Variants in DPP10 observed in about 807,000 individuals in gnomAD.
DPP10 encodes inactive dipeptidyl peptidase 10.
DPP10 carries 33 observed loss-of-function variants against 120.9 expected under a neutral mutation model. The observed-to-expected ratio is 0.27, with a 90% CI of 0.21 to 0.37. DPP10 has a LOEUF of 0.37. DPP10 is among the 10% of genes least tolerant of loss of function. The pLI is 1.00. For synonymous variants in DPP10, 337 were observed against 326.1 expected (o/e 1.03, Z -0.36); for missense variants, 816 against 942.8 (o/e 0.87, Z 1.76).
At chr2:115,121,028 G>T (rs921326458) in intron 1 of DPP10, among the ~76,000 whole-genome samples, 1 of 152,328 alleles carries the variant, frequency 6.6e-6, no homozygotes, top group Non-Finnish European at 1.5e-5. Flanking sequence ...TGCTCAGTTA[G>T]ATTTCTTACT....
At chr2:114,859,686 G>C (rs1319986445) in intron 1 of DPP10, among the ~76,000 whole-genome samples, 1 of 152,116 alleles carries the variant, frequency 6.6e-6, no homozygotes, top group African/African-American at 2.4e-5. Flanking sequence ...GCTCTCTTTG[G>C]ATCTCCTGCT....
At chr2:115,117,603 G>A (rs1000507695) in intron 1 of DPP10, among the ~76,000 whole-genome samples, 3 of 152,160 alleles carry the variant, frequency 2.0e-5, no homozygotes, top group African/African-American at 7.2e-5. Flanking sequence ...GTGAGAGCCT[G>A]TCTCTAAAAA....
intron 5 of DPP10, among the ~76,000 whole-genome samples, chr2:115,547,353 T>G (rs141636878): frequency 1.3e-5 from 2 of 152,326 alleles, no homozygotes; most frequent in African/African-American, 4.8e-5. Flanking sequence ...AGTCACTTTG[T>G]AAATGAGAGT....
chr2:115,518,161 C>G (rs573267928), intron 4 of DPP10, among the ~76,000 whole-genome samples: 5 of 152,228 alleles, frequency 3.3e-5, no homozygotes, highest in African/African-American at 1.2e-4. Context: ...TGTCCCATGA[C>G]CTAAACACCT....
intron 3 of DPP10, among the ~76,000 whole-genome samples, chr2:115,385,304 G>A (rs938184150): frequency 3.3e-5 from 5 of 151,836 alleles, no homozygotes; most frequent in African/African-American, 7.3e-5. Flanking sequence ...TTCTTCAGTC[G>A]ATCACCGTTA....
chr2:114,586,228 G>A (rs1023655576), intron 1 of DPP10, among the ~76,000 whole-genome samples: 3 of 152,136 alleles, frequency 2.0e-5, no homozygotes, highest in African/African-American at 7.2e-5. Flanking sequence ...TCCAGCCTGG[G>A]TAACAGAGAA....
chr2:114,987,804 C>CTTTTTTTTTTTTCT (rs59203543), intron 1 of DPP10, among the ~76,000 whole-genome samples: 3 of 101,034 alleles, frequency 3.0e-5, no homozygotes, highest in Admixed American at 1.4e-4. Context: ...TGGAGACTGT[C>CTTTTTTTTTTTTCT]TTTTTTTTTT....
At position 114,632,886 on chromosome 2, in the gene DPP10, A is replaced by G. The variant is rs554338337; in HGVS notation, c.60+190048A>G. Among the ~76,000 whole-genome samples, 7 of 152,190 alleles carry G rather than the reference A, an allele frequency of 4.6e-5. No individual in the cohort carries two copies. The South Asian group carries it at 1.5e-3, about 32-fold the overall frequency. ...TACTTTTGCTGCTAAAATTATCCCA[A>G]ATTTGACAAGGAATGTTCCTTCAGG... On this transcript the variant is annotated intron_variant, in intron 1 of 25. Transcript: ENST00000410059.
intron 1 of DPP10, among the ~76,000 whole-genome samples, chr2:114,605,030 A>G (rs1336319940): frequency 6.6e-6 from 1 of 152,144 alleles, no homozygotes; most frequent in Non-Finnish European, 1.5e-5. Flanking sequence ...AAGTAATTTC[A>G]TGGAAAGAAT....
At chr2:115,689,992 T>C in intron 7 of DPP10, 71 bp downstream of exon 7, 1 of 1,478,166 alleles carries the variant, frequency 6.8e-7, no homozygotes, top group South Asian at 1.2e-5. Context: ...ACTGAAACTT[T>C]GGAAAAACCA....
chr2:115,251,491 T>TC lies in DPP10; in HGVS notation c.61-57744dup, dbSNP rs368319015. 1.8e-3 allele frequency among the ~76,000 whole-genome samples: 279 copies of TC among 152,174 alleles called. 3 individuals carry two copies. Among genetic ancestry groups the TC allele is most frequent in the African/African-American group, 6.1e-3 (255 of 41,514 alleles). On this transcript the variant is annotated intron_variant, in intron 1 of 25. Coordinates refer to ENST00000410059, the MANE Select transcript of DPP10 (RefSeq NM_020868.6). Reference sequence around the variant, plus strand: ...AGAAAGCTTTTACTGCGACAAAAAATCCCCAGGATCTTAGCTCTAAGTCTC... The same window carrying TC: ...AGAAAGCTTTTACTGCGACAAAAAATCCCCCAGGATCTTAGCTCTAAGTCTC...
chr2:114,525,659 T>C (rs572704070), intron 1 of DPP10, among the ~76,000 whole-genome samples: 123 of 152,324 alleles, frequency 8.1e-4, no homozygotes, highest in Non-Finnish European at 1.4e-3. Context: ...TATCACTTAC[T>C]GTGATTTTCG....
At chr2:114,807,863 C>T (rs1317845641) in intron 1 of DPP10, among the ~76,000 whole-genome samples, 1 of 152,178 alleles carries the variant, frequency 6.6e-6, no homozygotes, top group Non-Finnish European at 1.5e-5. Flanking sequence ...TGAAGAGGCT[C>T]AGATGTCTGG....
At chr2:115,301,090 A>G (rs916144148) in intron 1 of DPP10, among the ~76,000 whole-genome samples, 2 of 151,844 alleles carry the variant, frequency 1.3e-5, no homozygotes, top group African/African-American at 4.8e-5. Context: ...TTCCCCATAG[A>G]CGGGGCTGCT....
chr2:115,121,746 C>G (rs1220027188), intron 1 of DPP10, among the ~76,000 whole-genome samples: 1 of 152,134 alleles, frequency 6.6e-6, no homozygotes, highest in Non-Finnish European at 1.5e-5. Context: ...AGTTAAGACT[C>G]CCTCCTGTTT....
In DPP10 at chr2:114,904,798, G is replaced by A. The variant is rs113918689; in HGVS notation, c.61-404441G>A. 4.5e-3 allele frequency among the ~76,000 whole-genome samples: 684 copies of A among 152,302 alleles called. 8 individuals carry two copies. Among genetic ancestry groups the A allele is most frequent in the African/African-American group, 0.016 (651 of 41,572 alleles). ...ATGTATTCTATCCTTTAAAAAGAGAGAGAAATGGCCCCAAGATAATTTAGA... is the reference window on the plus strand; with the variant it reads ...ATGTATTCTATCCTTTAAAAAGAGAAAGAAATGGCCCCAAGATAATTTAGA... On this transcript the variant is annotated intron_variant, in intron 1 of 25. Coordinates refer to ENST00000410059, the MANE Select transcript of DPP10 (RefSeq NM_020868.6).
At chr2:114,725,939 A>C (rs1340810584) in intron 1 of DPP10, among the ~76,000 whole-genome samples, 1 of 152,140 alleles carries the variant, frequency 6.6e-6, no homozygotes, top group Non-Finnish European at 1.5e-5. Flanking sequence ...TTTCAGCAAA[A>C]GTTCTTCTAT....
chr2:115,616,438 T>C (rs1003561428), intron 5 of DPP10, among the ~76,000 whole-genome samples: 1 of 151,754 alleles, frequency 6.6e-6, no homozygotes, highest in Non-Finnish European at 1.5e-5. Flanking sequence ...ATCCCTACTC[T>C]AATCTAAGTC....
intron 1 of DPP10, among the ~76,000 whole-genome samples, chr2:115,079,047 C>T (rs958803221): frequency 3.9e-5 from 6 of 152,124 alleles, no homozygotes; most frequent in Admixed American, 6.5e-5. Flanking sequence ...CTTGAGTCCA[C>T]GCTTGAGTGC....
Sources: gnomAD v4.1 joint callset for allele counts (sites outside exome capture counted in the v4.1 genomes callset) on GRCh38, gnomAD v4.1.1 for gene constraint, MANE v1.5 for transcripts, NCBI Gene and HGNC (gene_info 2026-07-23, HGNC 2026-07-21) for gene names.